ADGRB3: variants seen among roughly 807,000 people sequenced by gnomAD.
ADGRB3 encodes adhesion G protein-coupled receptor B3, also known as brain-specific angiogenesis inhibitor 3.
A neutral mutation model predicts 193.4 loss-of-function variants in ADGRB3; 37 were observed. The observed-to-expected ratio is 0.19, with a 90% CI of 0.15 to 0.25. ADGRB3 has a LOEUF of 0.25. Ranked by LOEUF, ADGRB3 falls within the 10% of genes least tolerant of loss-of-function variation. The pLI is 1.00. For missense variants in ADGRB3, 1,637 were observed against 1,852.9 expected (o/e 0.88, Z 2.14); for synonymous variants, 690 against 644.2 (o/e 1.07, Z -1.08).
intron 17 of ADGRB3, among the ~76,000 whole-genome samples, chr6:69,150,921 G>A (rs1774656893): frequency 6.6e-6 from 1 of 152,186 alleles, no homozygotes; most frequent in Non-Finnish European, 1.5e-5. Context: ...GCCAGGAATG[G>A]GGGCCTTACA....
At chr6:68,872,744 A>G (rs1205256197) in intron 3 of ADGRB3, among the ~76,000 whole-genome samples, 2 of 152,138 alleles carry the variant, frequency 1.3e-5, no homozygotes, top group Non-Finnish European at 2.9e-5. Flanking sequence ...TTATGTGGCT[A>G]TCTTTGCCTT....
intron 17 of ADGRB3, chr6:69,232,710 C>A: frequency 8.0e-7 from 1 of 1,252,850 alleles, no homozygotes; most frequent in Non-Finnish European, 1.1e-6. Flanking sequence ...TGCTGCTTCC[C>A]GTTTCCAGGG....
At chr6:69,053,611 C>T (rs1366170112) in intron 15 of ADGRB3, among the ~76,000 whole-genome samples, 1 of 152,146 alleles carries the variant, frequency 6.6e-6, no homozygotes, top group Non-Finnish European at 1.5e-5. Flanking sequence ...TCCCCCTTGA[C>T]CACTTATGTG....
intron 3 of ADGRB3, among the ~76,000 whole-genome samples, chr6:68,895,362 G>T (rs1419551869): frequency 6.6e-6 from 1 of 151,728 alleles, no homozygotes; most frequent in Non-Finnish European, 1.5e-5. Flanking sequence ...TGAAAAACAT[G>T]TATTTAGTGT....
At chr6:69,195,444 G>A (rs949829703) in intron 17 of ADGRB3, among the ~76,000 whole-genome samples, 1 of 151,238 alleles carries the variant, frequency 6.6e-6, no homozygotes, top group African/African-American at 2.4e-5. Flanking sequence ...AGGATCACTT[G>A]GGCCCAGGAG....
At chr6:69,001,378 G>A (rs1004724191) in intron 11 of ADGRB3, among the ~76,000 whole-genome samples, 2 of 152,214 alleles carry the variant, frequency 1.3e-5, no homozygotes, top group African/African-American at 4.8e-5. Context: ...ATAAAGGCAG[G>A]AAAGTTGAGG....
At chr6:69,356,893 T>C (rs1354681865) in intron 28 of ADGRB3, among the ~76,000 whole-genome samples, 1 of 152,130 alleles carries the variant, frequency 6.6e-6, no homozygotes, top group Non-Finnish European at 1.5e-5. Context: ...TTTTGGGGGA[T>C]AGTTCCAATT....
At chr6:68,970,586 A>G (rs1186158637) in intron 8 of ADGRB3, among the ~76,000 whole-genome samples, 1 of 152,158 alleles carries the variant, frequency 6.6e-6, no homozygotes, top group Non-Finnish European at 1.5e-5. Flanking sequence ...GATTACAGGC[A>G]TGAGCCACTG....
chr6:68,768,672 A>G (rs1278460677), intron 3 of ADGRB3, among the ~76,000 whole-genome samples: 3 of 152,220 alleles, frequency 2.0e-5, no homozygotes, highest in Non-Finnish European at 1.5e-5. Context: ...AATGGCAACA[A>G]AAGCCAAAAT....
At chr6:69,237,987 A>G (rs557341946) in intron 19 of ADGRB3, among the ~76,000 whole-genome samples, 1 of 152,154 alleles carries the variant, frequency 6.6e-6, no homozygotes, top group African/African-American at 2.4e-5. Flanking sequence ...TTCTTTTTAT[A>G]TTACAAAAAC....
intron 17 of ADGRB3, among the ~76,000 whole-genome samples, chr6:69,192,522 A>G (rs535436683): frequency 2.6e-5 from 4 of 152,288 alleles, no homozygotes; most frequent in South Asian, 2.1e-4. Flanking sequence ...GCATCCTTCA[A>G]TCCAATCAAG....
At chr6:69,094,067 C>G (rs1240981120) in intron 17 of ADGRB3, among the ~76,000 whole-genome samples, 4 of 152,096 alleles carry the variant, frequency 2.6e-5, no homozygotes, top group African/African-American at 4.8e-5. Context: ...GGCAGACAGT[C>G]AGCTGTTTGC....
Position 69,048,458 on chromosome 6 carries a change from C to T in ADGRB3, c.2257+124C>T. On this transcript the variant is annotated intron_variant, in intron 14 of 31. Transcript: ENST00000370598. ...AATAGTCTGTAATCATTATTTTAAACTAATTTTCTAAATATGGACAACTTA... is the reference window on the plus strand; with the variant it reads ...AATAGTCTGTAATCATTATTTTAAATTAATTTTCTAAATATGGACAACTTA... The T allele has an allele frequency of 3.0e-6, 3 of 1,009,186 alleles. No homozygotes were observed. The South Asian group carries it at 6.0e-5, about 20-fold the overall frequency. 62.5% of individuals were successfully genotyped at this position (1,009,186 alleles called of 1,614,324 possible).
intron 3 of ADGRB3, among the ~76,000 whole-genome samples, chr6:68,766,622 T>C (rs1378464536): frequency 6.6e-6 from 1 of 152,062 alleles, no homozygotes; most frequent in African/African-American, 2.4e-5. Context: ...GTTTTCTTGA[T>C]TGTTTTAATA....
chr6:68,722,870 A>G (rs13218712), intron 3 of ADGRB3, among the ~76,000 whole-genome samples: 54,191 of 151,266 alleles, frequency 0.36, 10,573 homozygotes, highest in East Asian at 0.64. Flanking sequence ...AAATCAGATG[A>G]AGAGAACAAG....
intron 15 of ADGRB3, among the ~76,000 whole-genome samples, chr6:69,052,176 C>G (rs1771418319): frequency 6.6e-6 from 1 of 152,150 alleles, no homozygotes; most frequent in Non-Finnish European, 1.5e-5. Context: ...GCATGAGCCA[C>G]CGCAGTAATA....
intron 10 of ADGRB3, among the ~76,000 whole-genome samples, chr6:68,979,365 G>T (rs1337631540): frequency 1.3e-5 from 2 of 151,356 alleles, no homozygotes; most frequent in Admixed American, 6.6e-5. Context: ...CTAGAAATGT[G>T]TAGTGATTGG....
intron 3 of ADGRB3, among the ~76,000 whole-genome samples, chr6:68,738,322 G>A (rs965521553): frequency 6.6e-6 from 1 of 152,110 alleles, no homozygotes; most frequent in African/African-American, 2.4e-5. Flanking sequence ...GACTTTGGCT[G>A]TCTCTCTGAG....
chr6:69,020,664 C>T (rs1464744337), intron 13 of ADGRB3, among the ~76,000 whole-genome samples: 1 of 151,886 alleles, frequency 6.6e-6, no homozygotes, highest in African/African-American at 2.4e-5. Flanking sequence ...GTTTATATAG[C>T]AACAATTATC....
Sources: allele counts gnomAD v4.1 joint callset (sites outside exome capture counted in the v4.1 genomes callset), GRCh38; gene constraint gnomAD v4.1.1; transcripts MANE v1.5; gene names NCBI Gene and HGNC (gene_info 2026-07-23, HGNC 2026-07-21).